CNNM2: variants seen among roughly 807,000 people sequenced by gnomAD.
CNNM2 encodes the protein cyclin and CBS domain divalent metal cation transport mediator 2.
A neutral mutation model predicts 66.9 loss-of-function variants in CNNM2; 12 were observed. That is an observed-to-expected ratio of 0.18 (90% CI 0.11 to 0.29). CNNM2 has a LOEUF of 0.29. Among genes scored for constraint, CNNM2 ranks in the 10% least tolerant of loss-of-function variants. CNNM2 has a pLI of 1.00. For missense variants in CNNM2, 705 were observed against 1,167.7 expected (o/e 0.60, Z 5.77); for synonymous variants, 557 against 501.8 (o/e 1.11, Z -1.47).
intron 1 of CNNM2, among the ~76,000 whole-genome samples, chr10:102,938,393 A>T (rs1461790946): frequency 6.6e-6 from 1 of 151,682 alleles, no homozygotes; most frequent in Non-Finnish European, 1.5e-5. Context: ...GCAGTGAGCC[A>T]AGATTGTGCC....
At chr10:103,059,557 T>G (rs538227114) in intron 4 of CNNM2, among the ~76,000 whole-genome samples, 1 of 152,296 alleles carries the variant, frequency 6.6e-6, no homozygotes, top group South Asian at 2.1e-4. Flanking sequence ...ACTTCAAGTT[T>G]TATCTGTAAA....
intron 1 of CNNM2, among the ~76,000 whole-genome samples, chr10:103,009,401 TAGATTTTAG>T (rs2064293159): frequency 6.6e-6 from 1 of 152,092 alleles, no homozygotes; most frequent in Non-Finnish European, 1.5e-5. Flanking sequence ...GCTCAATAAC[TAGATTTTAG>T]GCTGGGTATG....
chr10:103,062,917 G>A (rs1286380594), intron 4 of CNNM2, among the ~76,000 whole-genome samples: 2 of 152,220 alleles, frequency 1.3e-5, no homozygotes, highest in Non-Finnish European at 2.9e-5. Flanking sequence ...TTGTTGAACG[G>A]CAGATCCTTC....
chr10:102,985,241 C>T lies in CNNM2; in HGVS notation c.1622-64466C>T, dbSNP rs144526780. On this transcript the variant is annotated intron_variant, in intron 1 of 7. Coordinates refer to ENST00000369878, the MANE Select transcript of CNNM2 (RefSeq NM_017649.5). ...AACAATTTGAATAGCGGATCCTTTC[C>T]ATCTGAAACAAGTTTTTCCCCTTCT... is the stretch of plus-strand genomic sequence containing the variant. Among the ~76,000 whole-genome samples the T allele has an allele frequency of 1.5e-3, 235 of 152,108 alleles. 1 individual carries two copies. In the East Asian group the frequency reaches 0.025, roughly 16 times the overall value.
chr10:102,944,867 T>C (rs1416469381), intron 1 of CNNM2, among the ~76,000 whole-genome samples: 1 of 152,194 alleles, frequency 6.6e-6, no homozygotes, highest in Non-Finnish European at 1.5e-5. Flanking sequence ...TTTTCTTTCA[T>C]GACATTGACA....
chr10:103,063,889 C>T (rs1241481334), intron 4 of CNNM2, among the ~76,000 whole-genome samples: 6 of 152,176 alleles, frequency 3.9e-5, no homozygotes, highest in Admixed American at 2.6e-4. Flanking sequence ...TAATTAATCT[C>T]GAACCAGGTA....
At chr10:102,948,114 T>A (rs1029995185) in intron 1 of CNNM2, among the ~76,000 whole-genome samples, 1 of 152,140 alleles carries the variant, frequency 6.6e-6, no homozygotes, top group Non-Finnish European at 1.5e-5. Flanking sequence ...ATCTTGTAAT[T>A]TTCTATTATC....
chr10:103,035,283 A>G (rs556368360), intron 1 of CNNM2, among the ~76,000 whole-genome samples: 4 of 152,320 alleles, frequency 2.6e-5, no homozygotes, highest in East Asian at 3.9e-4. Context: ...CCTTAGTTCT[A>G]TAGAAGAACT....
chr10:103,032,636 G>T, intron 1 of CNNM2, among the ~76,000 whole-genome samples: 1 of 145,804 alleles, frequency 6.9e-6, no homozygotes, highest in African/African-American at 2.5e-5. Flanking sequence ...TTTTAGAGTA[G>T]CCTTTCATAA....
At chr10:102,950,981 C>CTTTTTTTTTTTTTTTTTT (rs34870588) in intron 1 of CNNM2, among the ~76,000 whole-genome samples, 2 of 80,458 alleles carry the variant, frequency 2.5e-5, no homozygotes, top group Non-Finnish European at 4.6e-5. Context: ...CTTTCTTTCT[C>CTTTTTTTTTTTTTTTTTT]TTTTTTTTTT....
chr10:103,004,573 A>C (rs1448112240), intron 1 of CNNM2, among the ~76,000 whole-genome samples: 2 of 152,160 alleles, frequency 1.3e-5, no homozygotes, highest in African/African-American at 4.8e-5. Flanking sequence ...AGAGCCTGAG[A>C]GTCTGCATTT....
rs1241101945 is a variant in CNNM2 at position 102,935,628 on chromosome 10, A to G, written c.1621+15527A>G. On this transcript the variant is annotated intron_variant, in intron 1 of 7. Coordinates refer to ENST00000369878, the MANE Select transcript of CNNM2 (RefSeq NM_017649.5). ...AAATTTTTTTTTTTTTTTTTTTGAG[A>G]CAGGGTCTTGCTCTATTGCCCAGGA... Among the ~76,000 whole-genome samples the G allele has an allele frequency of 1.5e-5, 2 of 134,598 alleles. 1 individual carries two copies. The highest frequency in any genetic ancestry group is 5.6e-5 in the African/African-American group (2 of 35,996). 88.3% of individuals were successfully genotyped at this position (134,598 alleles called of 152,430 possible).
intron 1 of CNNM2, among the ~76,000 whole-genome samples, chr10:102,983,788 C>CA (rs2063754507): frequency 6.8e-6 from 1 of 146,970 alleles, no homozygotes; most frequent in Non-Finnish European, 1.5e-5. Context: ...TTTTTTTTGA[C>CA]AGAGTCTTGC....
chr10:102,950,002 G>A (rs186061532), intron 1 of CNNM2, among the ~76,000 whole-genome samples: 169 of 152,156 alleles, frequency 1.1e-3, no homozygotes, highest in Non-Finnish European at 1.5e-3. Flanking sequence ...CCTAAAGCAC[G>A]ACCACTATAG....
intron 1 of CNNM2, among the ~76,000 whole-genome samples, chr10:102,933,370 A>T (rs1194350619): frequency 6.6e-6 from 1 of 152,024 alleles, no homozygotes; most frequent in Admixed American, 6.6e-5. Context: ...TAAGTATTTT[A>T]TTTTTTGATG....
intron 4 of CNNM2, among the ~76,000 whole-genome samples, chr10:103,060,769 T>G (rs183999450): frequency 1.3e-4 from 20 of 152,298 alleles, no homozygotes; most frequent in Middle Eastern, 3.4e-3. Context: ...AGGAGGCAAC[T>G]TGAAAGGTTG....
intron 1 of CNNM2, among the ~76,000 whole-genome samples, chr10:102,970,188 T>C (rs1185856983): frequency 6.6e-6 from 1 of 152,204 alleles, no homozygotes; most frequent in Non-Finnish European, 1.5e-5. Context: ...TGGTGGTGCA[T>C]ACTTATGGTC....
intron 1 of CNNM2, among the ~76,000 whole-genome samples, chr10:103,033,674 T>TG (rs1379596114): frequency 6.6e-6 from 1 of 151,648 alleles, no homozygotes; most frequent in Non-Finnish European, 1.5e-5. Context: ...TTGGTAGAGA[T>TG]GGGGGTTTCA....
intron 1 of CNNM2, among the ~76,000 whole-genome samples, chr10:102,970,143 G>A (rs2063527072): frequency 6.6e-6 from 1 of 152,124 alleles, no homozygotes; most frequent in African/African-American, 2.4e-5. Flanking sequence ...ATTTTTAAAT[G>A]GTCGAAAGTA....
Sources: gnomAD v4.1 joint callset for allele counts (sites outside exome capture counted in the v4.1 genomes callset) on GRCh38, gnomAD v4.1.1 for gene constraint, MANE v1.5 for transcripts, NCBI Gene and HGNC (gene_info 2026-07-23, HGNC 2026-07-21) for gene names.